The following GPC6 variants were observed in gnomAD, a reference collection of about 807,000 sequenced individuals.
GPC6 encodes glypican 6.
Under a neutral mutation model 55.2 loss-of-function variants are expected in GPC6, and 14 were observed. The ratio of observed to expected loss-of-function variants is 0.25; its 90% confidence interval spans 0.17 to 0.40. The LOEUF (loss-of-function observed/expected upper bound fraction) is 0.40, where lower values mean the gene tolerates loss of function less well. Ranked by LOEUF, GPC6 falls within the 10% of genes least tolerant of loss-of-function variation. GPC6 has a pLI of 1.00. For synonymous variants in GPC6, 278 were observed against 259.6 expected (o/e 1.07, Z -0.68); for missense variants, 641 against 708.5 (o/e 0.90, Z 1.08).
intron 1 of GPC6, among the ~76,000 whole-genome samples, chr13:93,406,099 T>C (rs1041014086): frequency 2.6e-5 from 4 of 152,160 alleles, no homozygotes; most frequent in Admixed American, 1.3e-4. Flanking sequence ...TTAAAGCCAG[T>C]CAAAGGACAG....
In GPC6 at chr13:93,545,565, C is replaced by T. The variant is rs376712550; in HGVS notation, c.319+144C>T. 1.9e-4 allele frequency: 140 copies of T among 748,738 alleles called. 1 individual carries two copies. The African/African-American group carries it at 2.2e-3, about 12-fold the overall frequency. 46.4% of individuals were successfully genotyped at this position (748,738 alleles called of 1,614,324 possible). A position where few individuals can be genotyped will look rare whatever the true frequency, so the allele number is the denominator to read the frequency against. ...TAGCATTGTCTATTTTTAGAAAAAGCATGAGTTTTCTTGACAGTAATTTTT... is the reference window on the plus strand; with the variant it reads ...TAGCATTGTCTATTTTTAGAAAAAGTATGAGTTTTCTTGACAGTAATTTTT... On this transcript the variant is annotated intron_variant, in intron 2 of 8. Coordinates refer to ENST00000377047, the MANE Select transcript of GPC6 (RefSeq NM_005708.5).
intron 1 of GPC6, among the ~76,000 whole-genome samples, chr13:93,341,623 T>C (rs1471845151): frequency 6.6e-6 from 1 of 152,138 alleles, no homozygotes; most frequent in African/African-American, 2.4e-5. Flanking sequence ...TTTGCTTGAG[T>C]TCCTTGTAGA....
At chr13:93,937,672 G>C (rs539697193) in intron 3 of GPC6, among the ~76,000 whole-genome samples, 410 of 152,132 alleles carry the variant, frequency 2.7e-3, no homozygotes, top group Non-Finnish European at 4.7e-3. Context: ...TCTGCCTCCC[G>C]GATTCAAGCG....
At chr13:94,173,780 T>C (rs1888654071) in intron 4 of GPC6, among the ~76,000 whole-genome samples, 1 of 152,202 alleles carries the variant, frequency 6.6e-6, no homozygotes, top group African/African-American at 2.4e-5. Flanking sequence ...CTGCTTCTTC[T>C]ACAGGCTGTT....
intron 1 of GPC6, among the ~76,000 whole-genome samples, chr13:93,544,976 A>G (rs1159283991): frequency 2.6e-5 from 4 of 152,190 alleles, no homozygotes; most frequent in Non-Finnish European, 5.9e-5. Context: ...TACTTGATGT[A>G]TTAAAAATAA....
At chr13:93,805,795 G>A (rs1290496097) in intron 2 of GPC6, among the ~76,000 whole-genome samples, 1 of 152,154 alleles carries the variant, frequency 6.6e-6, no homozygotes, top group Non-Finnish European at 1.5e-5. Flanking sequence ...TATTTCAGCT[G>A]CTGGTTTCAA....
chr13:94,372,709 A>C (rs1352901907), intron 6 of GPC6, among the ~76,000 whole-genome samples: 1 of 152,194 alleles, frequency 6.6e-6, no homozygotes, highest in Non-Finnish European at 1.5e-5. Context: ...GGTGGAGCCC[A>C]CCACAGCTCA....
chr13:93,977,282 G>A (rs1251609050), intron 3 of GPC6, among the ~76,000 whole-genome samples: 1 of 152,098 alleles, frequency 6.6e-6, no homozygotes, highest in Non-Finnish European at 1.5e-5. Flanking sequence ...ATTCATTGCT[G>A]CATTTGGTTT....
chr13:94,104,750 A>G (rs77594532), intron 4 of GPC6, among the ~76,000 whole-genome samples: 20,036 of 152,180 alleles, frequency 0.13, 1,625 homozygotes, highest in East Asian at 0.33. Flanking sequence ...CTAGGAATCC[A>G]GCTTACAAGG....
chr13:93,302,356 G>C (rs764854011), intron 1 of GPC6, among the ~76,000 whole-genome samples: 1 of 152,100 alleles, frequency 6.6e-6, no homozygotes, highest in East Asian at 1.9e-4. Context: ...CATGCATTCT[G>C]GTTACCCTCT....
intron 4 of GPC6, among the ~76,000 whole-genome samples, chr13:94,148,319 G>A (rs998199432): frequency 9.2e-5 from 14 of 152,126 alleles, no homozygotes; most frequent in African/African-American, 3.4e-4. Context: ...ATATGGTTAG[G>A]AGGCTGTCAG....
intron 4 of GPC6, among the ~76,000 whole-genome samples, chr13:94,081,360 A>C (rs1409774128): frequency 6.6e-6 from 1 of 152,184 alleles, no homozygotes; most frequent in African/African-American, 2.4e-5. Flanking sequence ...TTATCTCTTC[A>C]GTTACTCTCC....
intron 4 of GPC6, among the ~76,000 whole-genome samples, chr13:94,081,844 C>CTTTTTTTTTTTTTTTTTTTTT (rs201141414): frequency 9.0e-5 from 12 of 132,990 alleles, no homozygotes; most frequent in African/African-American, 2.8e-4. Flanking sequence ...TACTACTTTC[C>CTTTTTTTTTTTTTTTTTTTTT]TTTTTTTTTT....
intron 1 of GPC6, among the ~76,000 whole-genome samples, chr13:93,350,503 T>G (rs1485738554): frequency 6.6e-6 from 1 of 152,060 alleles, no homozygotes; most frequent in African/African-American, 2.4e-5. Flanking sequence ...GGTTACAGAG[T>G]CTGAAATACA....
chr13:93,237,459 T>G (rs1364714073), intron 1 of GPC6, among the ~76,000 whole-genome samples: 1 of 152,232 alleles, frequency 6.6e-6, no homozygotes, highest in Non-Finnish European at 1.5e-5. Flanking sequence ...CCTTGTAGAT[T>G]ATAGATATTA....
rs566292526 is a variant in GPC6, at chr13:93,315,144, A to AT, written c.160+87535dup. Among the ~76,000 whole-genome samples, 76 of 148,630 alleles carry AT rather than the reference A, an allele frequency of 5.1e-4. 2 individuals are homozygous for AT. In the East Asian group the frequency reaches 0.016, roughly 31 times the overall value. ...GTCCTTTTGAAAAACAAGTTGTTTG[A>AT]TTTTTTTATTAAGATCTAAATTTTA... On this transcript the variant is annotated intron_variant, in intron 1 of 8. Transcript: ENST00000377047.
At chr13:93,896,362 A>G (rs1045807195) in intron 3 of GPC6, among the ~76,000 whole-genome samples, 2 of 152,054 alleles carry the variant, frequency 1.3e-5, no homozygotes, top group Non-Finnish European at 2.9e-5. Context: ...AATAATCCCC[A>G]TATAAGTAGA....
intron 2 of GPC6, among the ~76,000 whole-genome samples, chr13:93,568,550 G>T (rs966029463): frequency 6.6e-6 from 1 of 152,112 alleles, no homozygotes; most frequent in Non-Finnish European, 1.5e-5. Flanking sequence ...ACAAAGAGGG[G>T]AGAAAGTTAA....
intron 1 of GPC6, among the ~76,000 whole-genome samples, chr13:93,228,345 A>T (rs1875885650): frequency 6.6e-6 from 1 of 152,052 alleles, no homozygotes; most frequent in Admixed American, 6.5e-5. Context: ...ACACCCTGCC[A>T]CCCGGTCTGG....
Sources: gnomAD v4.1 joint callset for allele counts (sites outside exome capture counted in the v4.1 genomes callset) on GRCh38, gnomAD v4.1.1 for gene constraint, MANE v1.5 for transcripts, NCBI Gene and HGNC (gene_info 2026-07-23, HGNC 2026-07-21) for gene names.